Variants in RALGAPA2 observed in about 807,000 individuals in gnomAD.
RALGAPA2 encodes Ral GTPase activating protein catalytic subunit alpha 2.
In RALGAPA2, 139 loss-of-function variants were observed where a neutral mutation model predicts 230.4. That is an observed-to-expected ratio of 0.60 (90% CI 0.53 to 0.69). RALGAPA2 has a LOEUF of 0.69. RALGAPA2 is among the 30% of genes least tolerant of loss of function. The pLI is 0.00. For missense variants in RALGAPA2, 2,163 were observed against 2,276.0 expected, an observed-to-expected ratio of 0.95 and a Z score of 1.01; for synonymous variants, 847 against 837.8, an observed-to-expected ratio of 1.01 and a Z score of -0.19.
At chr20:20,634,888 C>G (rs752928818) in intron 9 of RALGAPA2, among the ~76,000 whole-genome samples, 7 of 152,188 alleles carry the variant, frequency 4.6e-5, no homozygotes, top group Non-Finnish European at 7.3e-5. Context: ...GGAGAGGTCT[C>G]TTCTGAAGGC....
At chr20:20,586,494 T>C (rs570932682) in intron 18 of RALGAPA2, among the ~76,000 whole-genome samples, 4 of 152,162 alleles carry the variant, frequency 2.6e-5, no homozygotes, top group Non-Finnish European at 4.4e-5. Context: ...TCACCATGTG[T>C]AAGAATCTCA....
intron 1 of RALGAPA2, among the ~76,000 whole-genome samples, chr20:20,697,011 C>T (rs2069139325): frequency 6.6e-6 from 1 of 152,168 alleles, no homozygotes; most frequent in African/African-American, 2.4e-5. Flanking sequence ...ACTAGGATTA[C>T]AGGCATGAGC....
At chr20:20,653,690 G>GA (rs1458770377) in intron 3 of RALGAPA2, 103 bp from the exon 4 acceptor site, 2 of 641,374 alleles carry the variant, frequency 3.1e-6, no homozygotes, top group Non-Finnish European at 5.4e-6. Flanking sequence ...AGAGGAAAAG[G>GA]AAACTATGTA....
intron 37 of RALGAPA2, chr20:20,472,556 T>C (rs947732317): frequency 1.3e-5 from 3 of 234,542 alleles, no homozygotes; most frequent in South Asian, 8.5e-5. Flanking sequence ...CCTAAGAAGA[T>C]ATGAGCATCT....
At chr20:20,706,599 TATG>T (rs2069617408) in intron 1 of RALGAPA2, among the ~76,000 whole-genome samples, 1 of 152,082 alleles carries the variant, frequency 6.6e-6, no homozygotes. Context: ...TCAAATCAAA[TATG>T]ATAATCCCAA....
chr20:20,571,141 A>G (rs117873428), intron 23 of RALGAPA2, among the ~76,000 whole-genome samples: 345 of 152,376 alleles, frequency 2.3e-3, no homozygotes, highest in Non-Finnish European at 3.7e-3. Context: ...TATTTAATGC[A>G]GAACCCAAAC....
At chr20:20,693,414 T>C (rs6046993) in intron 1 of RALGAPA2, among the ~76,000 whole-genome samples, 12,940 of 152,176 alleles carry the variant, frequency 0.085, 813 homozygotes, top group African/African-American at 0.16. Flanking sequence ...CAAGTTTCAT[T>C]AGACATTTTA....
rs1569417098 is a variant in RALGAPA2, at chr20:20,458,399, CATATAATATATGTTAT to C, written c.5495+14414_5495+14429del. Among the ~76,000 whole-genome samples the C allele has an allele frequency of 1.4e-3, 204 of 141,028 alleles. 5 individuals carry two copies. Among genetic ancestry groups the C allele is most frequent in the East Asian group, 0.011 (55 of 4,848 alleles). 92.5% of individuals were successfully genotyped at this position (141,028 alleles called of 152,430 possible). A position where few individuals can be genotyped will look rare whatever the true frequency, so the allele number is the denominator to read the frequency against. On this transcript the variant is annotated intron_variant, in intron 37 of 39. Transcript: ENST00000202677. Reference sequence around the variant, plus strand: ...GTCCAAAAAAAATACATTTTTTATACATATAATATATGTTATATATAATATATATGTATTTTTTATA... The same window carrying C: ...GTCCAAAAAAAATACATTTTTTATACATATAATATATATGTATTTTTTATA...
chr20:20,629,032 G>C (rs927278482), intron 10 of RALGAPA2, among the ~76,000 whole-genome samples: 5 of 151,964 alleles, frequency 3.3e-5, no homozygotes, highest in African/African-American at 9.7e-5. Context: ...TTTGTTGCTG[G>C]GTATTCAGGA....
At chr20:20,464,134 T>A (rs1044332998) in intron 37 of RALGAPA2, among the ~76,000 whole-genome samples, 1 of 152,214 alleles carries the variant, frequency 6.6e-6, no homozygotes, top group Non-Finnish European at 1.5e-5. Flanking sequence ...CAGACCCTAG[T>A]GCTTCCTCCA....
chr20:20,558,894 T>C (rs973369398), intron 23 of RALGAPA2, among the ~76,000 whole-genome samples: 2 of 151,826 alleles, frequency 1.3e-5, no homozygotes, highest in Non-Finnish European at 2.9e-5. Context: ...CCTTCTCATA[T>C]GGTGAAATCG....
chr20:20,480,832 C>T (rs924629794), intron 36 of RALGAPA2, among the ~76,000 whole-genome samples: 2 of 152,188 alleles, frequency 1.3e-5, no homozygotes, highest in African/African-American at 4.8e-5. Flanking sequence ...ATGTATATTT[C>T]ACAACCACCT....
intron 37 of RALGAPA2, among the ~76,000 whole-genome samples, chr20:20,464,633 G>A (rs897373919): frequency 5.9e-5 from 9 of 151,934 alleles, no homozygotes; most frequent in African/African-American, 1.9e-4. Context: ...TAAGAAAATG[G>A]GATCACTTCC....
intron 27 of RALGAPA2, 84 bp from the exon 28 acceptor site, chr20:20,526,446 A>G: frequency 1.2e-6 from 1 of 839,738 alleles, no homozygotes; most frequent in Non-Finnish European, 1.8e-6. Context: ...ATTTCTTCTC[A>G]GTTCCTTATA....
intron 1 of RALGAPA2, among the ~76,000 whole-genome samples, chr20:20,691,274 T>G (rs953666978): frequency 1.1e-4 from 17 of 152,040 alleles, no homozygotes; most frequent in Admixed American, 4.6e-4. Flanking sequence ...AGTCCTCACT[T>G]CCCTTCTTTC....
chr20:20,578,759 T>C (rs1481934437), intron 20 of RALGAPA2, among the ~76,000 whole-genome samples: 1 of 152,168 alleles, frequency 6.6e-6, no homozygotes, highest in Non-Finnish European at 1.5e-5. Flanking sequence ...AACAACTTAA[T>C]TCTAGAGCCA....
chr20:20,500,868 T>C (rs913389083), intron 35 of RALGAPA2, among the ~76,000 whole-genome samples: 14 of 152,220 alleles, frequency 9.2e-5, no homozygotes, highest in African/African-American at 3.1e-4. Context: ...AATATGGATA[T>C]TGTGTTAGCA....
chr20:20,587,449 C>T (rs1039193215), intron 18 of RALGAPA2, among the ~76,000 whole-genome samples: 15 of 152,028 alleles, frequency 9.9e-5, no homozygotes, highest in Non-Finnish European at 1.9e-4. Flanking sequence ...TGGGACCTGA[C>T]ACAAGTAGTT....
intron 31 of RALGAPA2, 127 bp downstream of exon 31, chr20:20,520,790 C>G (rs968489710): frequency 1.4e-6 from 1 of 738,352 alleles, no homozygotes; most frequent in African/African-American, 1.8e-5. Context: ...TTTGCCATCA[C>G]AGAGGACTCC....
Sources: allele counts gnomAD v4.1 joint callset (sites outside exome capture counted in the v4.1 genomes callset), GRCh38; gene constraint gnomAD v4.1.1; transcripts MANE v1.5; gene names NCBI Gene and HGNC (gene_info 2026-07-23, HGNC 2026-07-21).